The following FTCD variants were observed in gnomAD, a reference collection of about 807,000 sequenced individuals.
FTCD encodes formimidoyltransferase-cyclodeaminase.
A neutral mutation model predicts 62.9 loss-of-function variants in FTCD; 76 were observed. The observed-to-expected ratio is 1.21, with a 90% confidence interval of 1.00 to 1.46. The LOEUF (loss-of-function observed/expected upper bound fraction) is 1.46. FTCD is among the 40% of genes most tolerant of loss of function. The probability of loss-of-function intolerance (pLI) is 0.00; values close to 1 mark genes in which losing one functional copy is unlikely to be tolerated. For missense variants in FTCD, 845 were observed against 751.3 expected, an observed-to-expected ratio of 1.12 and a Z score of -1.46; for synonymous variants, 397 against 336.9, an observed-to-expected ratio of 1.18 and a Z score of -1.95.
chr21:46,142,317 C>CCGTGA (rs1568966636), intron 10 of FTCD: 5 of 150,414 alleles, frequency 3.3e-5, no homozygotes, highest in African/African-American at 1.2e-4. Flanking sequence ...TTCTTCCTCC[C>CCGTGA]GGTGAGGCCG....
chr21:46,143,483 A>G (rs1826323800), intron 10 of FTCD, among the ~76,000 whole-genome samples: 4 of 152,224 alleles, frequency 2.6e-5, no homozygotes, highest in Admixed American at 2.6e-4. Flanking sequence ...TGTACTAGAT[A>G]TAGATCATAG....
intron 10 of FTCD, among the ~76,000 whole-genome samples, chr21:46,141,047 T>A (rs1176509060): frequency 1.3e-5 from 2 of 152,264 alleles, no homozygotes; most frequent in Non-Finnish European, 2.9e-5. Context: ...TGTCCCTTGA[T>A]TACATTTTCA....
intron 10 of FTCD, among the ~76,000 whole-genome samples, chr21:46,143,327 C>G (rs11911736): frequency 1.5e-4 from 23 of 151,134 alleles, no homozygotes; most frequent in African/African-American, 5.1e-4. Flanking sequence ...TCTCTCCCCA[C>G]CTCCCTCTCT....
chr21:46,152,184 C>A, intron 3 of FTCD: 1 of 540,194 alleles, frequency 1.9e-6, no homozygotes, highest in Non-Finnish European at 3.3e-6. Context: ...CCCCTGCCCA[C>A]CCCCTCCTCA....
chr21:46,138,694 G>C (rs772849951), intron 11 of FTCD, 48 bp from the exon 12 acceptor site: 1 of 1,579,184 alleles, frequency 6.3e-7, no homozygotes, highest in South Asian at 1.1e-5. Flanking sequence ...CACACAGGCA[G>C]GCAGTGGACA....
At chr21:46,153,799 C>A (rs138262628) in intron 2 of FTCD, among the ~76,000 whole-genome samples, 28 of 152,382 alleles carry the variant, frequency 1.8e-4, no homozygotes, top group African/African-American at 5.8e-4. Flanking sequence ...GCCCTTCCCC[C>A]ACCAGTGCCT....
intron 1 of FTCD, 100 bp downstream of exon 1, chr21:46,155,370 A>C: frequency 2.0e-6 from 2 of 1,000,120 alleles, no homozygotes; most frequent in Non-Finnish European, 1.6e-6. Flanking sequence ...TGGGAAGACG[A>C]CCCGGGACAC....
intron 12 of FTCD, 118 bp downstream of exon 12, chr21:46,138,390 A>G (rs1165709303): frequency 3.1e-6 from 3 of 962,456 alleles, no homozygotes; most frequent in Non-Finnish European, 4.7e-6. Flanking sequence ...ACTGCCCGTG[A>G]AGTGAGGTCT....
At chr21:46,151,793 C>G in intron 4 of FTCD, 56 bp from the exon 5 acceptor site, 2 of 1,599,582 alleles carry the variant, frequency 1.3e-6, no homozygotes, top group South Asian at 2.2e-5. Flanking sequence ...AACAGCCCCC[C>G]GGGGTCCCGG....
intron 7 of FTCD, among the ~76,000 whole-genome samples, 189 bp downstream of exon 7, chr21:46,149,930 A>G (rs2079226550): frequency 6.6e-6 from 1 of 152,194 alleles, no homozygotes; most frequent in Non-Finnish European, 1.5e-5. Flanking sequence ...TGAGCATATC[A>G]TAGGTCACAA....
chr21:46,144,771 C>T (rs2079104173), intron 10 of FTCD, among the ~76,000 whole-genome samples: 1 of 139,580 alleles, frequency 7.2e-6, no homozygotes, highest in South Asian at 2.5e-4. Context: ...CTCCTGTCCT[C>T]TCCTGGGCTG....
Position 46,150,741 on chromosome 21 carries a change from G to A in FTCD, c.637-216C>T, listed in dbSNP as rs551895710. Among the ~76,000 whole-genome samples, 104 of 151,644 alleles carry A rather than the reference G, an allele frequency of 6.9e-4. 1 individual carries two copies. Among genetic ancestry groups the A allele is most frequent in the African/African-American group, 2.1e-3 (86 of 41,086 alleles). The stretch of plus-strand genomic sequence containing the variant: ...ACGGAGGCCCCAAGGGTCAGACACC[G>A]GAGGCCCACCCCGGCAGGCCCCCGC... On this transcript the variant is annotated intron_variant, in intron 5 of 13. Transcript: ENST00000397746.
chr21:46,142,932 T>TC (rs1201476320), intron 10 of FTCD, among the ~76,000 whole-genome samples: 1 of 152,186 alleles, frequency 6.6e-6, no homozygotes, highest in African/African-American at 2.4e-5. Context: ...TTCTCCAAGT[T>TC]CCCACCCCAG....
At chr21:46,143,091 G>C (rs553707282) in intron 10 of FTCD, among the ~76,000 whole-genome samples, 1 of 152,278 alleles carries the variant, frequency 6.6e-6, no homozygotes, top group Admixed American at 6.5e-5. Context: ...CTGCAAATCC[G>C]GGACTGTTTA....
rs532526037 is a variant in FTCD, at chr21:46,151,893, T to G, written c.455A>C (p.Lys152Thr). 4 of 1,561,434 alleles carry G rather than the reference T, an allele frequency of 2.6e-6. No individual in the cohort carries two copies. In the East Asian group the frequency reaches 9.6e-5, roughly 37 times the overall value. The stretch of plus-strand genomic sequence containing the variant: ...CCCGACCGCCCGGGGTGGGGGCACC[T>G]TCTTAGGGAGGGCCTCGTACTCCCC... ...RAGEYEALPK[K>T]LQQADWAPDF... The change falls in exon 4 of 14, where the codon AAG (lysine) becomes ACG (threonine). Residue 152 changes from lysine (K) to threonine (T), a missense_variant and splice_region_variant. By Grantham distance (78) the Lys-to-Thr change is moderately conservative (BLOSUM62 -1). Coordinates refer to ENST00000397746, the MANE Select transcript of FTCD (RefSeq NM_206965.2).
intron 7 of FTCD, among the ~76,000 whole-genome samples, chr21:46,149,691 T>C (rs2079221751): frequency 6.6e-6 from 1 of 152,094 alleles, no homozygotes; most frequent in South Asian, 2.1e-4. Context: ...GAGGCCCAGG[T>C]GTCCACAAGA....
At chr21:46,140,464 C>G (rs1036528386) in intron 10 of FTCD, among the ~76,000 whole-genome samples, 8 of 146,476 alleles carry the variant, frequency 5.5e-5, no homozygotes, top group African/African-American at 2.1e-4. Context: ...CAGCACTCCT[C>G]GTCCACCTTC....
Position 46,154,554 on chromosome 21 carries a change from C to T in FTCD, c.55-222G>A, listed in dbSNP as rs747773990. On this transcript the variant is annotated intron_variant, in intron 1 of 13. Coordinates refer to ENST00000397746, the MANE Select transcript of FTCD (RefSeq NM_206965.2). ...AGTCACTCCAGCCCAAGCACAGTCC[C>T]CACAAGGGGCTGCAGGTGGTGCCTC... Among the ~76,000 whole-genome samples the T allele has an allele frequency of 3.3e-4, 50 of 152,354 alleles. 1 individual carries two copies. The highest frequency in any genetic ancestry group is 3.4e-3 in the Middle Eastern group (1 of 294).
chr21:46,147,196 G>T (rs1030702181), intron 7 of FTCD, among the ~76,000 whole-genome samples: 1 of 152,178 alleles, frequency 6.6e-6, no homozygotes, highest in Non-Finnish European at 1.5e-5. Context: ...CCCCTGGAAG[G>T]TGACACCCCC....
Sources: allele counts gnomAD v4.1 joint callset (sites outside exome capture counted in the v4.1 genomes callset), GRCh38; gene constraint gnomAD v4.1.1; transcripts MANE v1.5; gene names NCBI Gene and HGNC (gene_info 2026-07-23, HGNC 2026-07-21).